Variants in DMD observed in about 807,000 individuals in gnomAD.
DMD encodes mutant dystrophin.
Under a neutral mutation model 330.1 loss-of-function variants are expected in DMD, and 63 were observed. The ratio of observed to expected loss-of-function variants is 0.19; its 90% CI spans 0.16 to 0.24. The LOEUF (loss-of-function observed/expected upper bound fraction) is 0.24, where lower values mean the gene tolerates loss of function less well. DMD is among the 10% of genes least tolerant of loss of function. The pLI, the probability that DMD is intolerant of heterozygous loss-of-function variation, is 1.00. For missense variants in DMD, 3,344 were observed against 2,684.1 expected (o/e 1.25, Z -5.43); for synonymous variants, 1,223 against 959.8 (o/e 1.27, Z -5.07).
chrX:32,242,256 T>G (rs331359), intron 43 of DMD, among the ~76,000 whole-genome samples: 57,911 of 109,751 alleles, frequency 0.53, 11,937 homozygotes, highest in Middle Eastern at 0.68. Context: ...GTAACAAAAA[T>G]AGAAGTTCAA....
intron 60 of DMD, among the ~76,000 whole-genome samples, chrX:31,441,662 T>C (rs1268899658): frequency 1.8e-5 from 2 of 112,377 alleles, no homozygotes; most frequent in Non-Finnish European, 3.8e-5. Context: ...AAATATGATG[T>C]CATAATGGTG....
chrX:31,914,289 T>C (rs923904857), intron 47 of DMD, among the ~76,000 whole-genome samples: 7 of 111,713 alleles, frequency 6.3e-5, no homozygotes, highest in Non-Finnish European at 1.1e-4. Context: ...GGTAGGAATA[T>C]AAATTAGTAC....
At chrX:32,003,528 T>A (rs2095640998) in intron 44 of DMD, among the ~76,000 whole-genome samples, 1 of 111,318 alleles carries the variant, frequency 9.0e-6, no homozygotes, top group Non-Finnish European at 1.9e-5. Flanking sequence ...TGGTAAATAA[T>A]TGCTGAATAA....
At chrX:31,342,586 T>C (rs1414965932) in intron 61 of DMD, among the ~76,000 whole-genome samples, 1 of 111,991 alleles carries the variant, frequency 8.9e-6, no homozygotes, top group African/African-American at 3.2e-5. Context: ...ATTAATGTTT[T>C]AAAGAACCTG....
At chrX:31,951,323 T>A (rs2095176369) in intron 45 of DMD, among the ~76,000 whole-genome samples, 1 of 106,467 alleles carries the variant, frequency 9.4e-6, no homozygotes, top group Admixed American at 1.0e-4. Context: ...TTTCCACTTG[T>A]GGTATTATAT....
intron 22 of DMD, among the ~76,000 whole-genome samples, chrX:32,469,282 C>A (rs1048560594): frequency 9.1e-6 from 1 of 110,039 alleles, no homozygotes. Flanking sequence ...TAATTTCTTA[C>A]AGTAGGATCA....
chrX:32,237,748 C>G (rs2097193243), intron 43 of DMD, among the ~76,000 whole-genome samples: 1 of 111,668 alleles, frequency 9.0e-6, no homozygotes, highest in African/African-American at 3.3e-5. Flanking sequence ...ATGGTGAACG[C>G]TAAAGCTTCT....
chrX:33,126,038 CAAG>C (rs2095462489), intron 1 of DMD, among the ~76,000 whole-genome samples: 1 of 93,839 alleles, frequency 1.1e-5, no homozygotes. Flanking sequence ...GACTCCGTCT[CAAG>C]AAAAAAAAAA....
At chrX:31,558,349 G>C (rs759772951) in intron 55 of DMD, among the ~76,000 whole-genome samples, 39 of 111,343 alleles carry the variant, frequency 3.5e-4, no homozygotes, top group African/African-American at 1.2e-3. Flanking sequence ...GTGTGTATAT[G>C]TGTGATACTG....
chrX:32,066,053 T>C (rs2096257966), intron 44 of DMD, among the ~76,000 whole-genome samples: 1 of 111,793 alleles, frequency 8.9e-6, no homozygotes, highest in South Asian at 3.7e-4. Context: ...TGTAATATTT[T>C]TCTTGCCATG....
chrX:32,171,383 T>C (rs1174933156), intron 44 of DMD, among the ~76,000 whole-genome samples: 1 of 111,728 alleles, frequency 9.0e-6, no homozygotes, highest in African/African-American at 3.2e-5. Context: ...GGGAAGTTTT[T>C]CCTTAGCACT....
At chrX:32,621,620 C>A (rs1306131879) in intron 11 of DMD, among the ~76,000 whole-genome samples, 1 of 110,399 alleles carries the variant, frequency 9.1e-6, no homozygotes, top group Non-Finnish European at 1.9e-5. Flanking sequence ...TCCCCGAACC[C>A]AGCCAGGTGT....
intron 43 of DMD, among the ~76,000 whole-genome samples, chrX:32,244,362 G>A (rs1220075789): frequency 7.5e-4 from 68 of 90,427 alleles, no homozygotes; most frequent in African/African-American, 2.6e-3. Flanking sequence ...GTCTATCATT[G>A]TTGGACATTT....
chrX:31,987,003 T>C (rs1252810365), intron 44 of DMD, among the ~76,000 whole-genome samples: 1 of 112,149 alleles, frequency 8.9e-6, no homozygotes, highest in Non-Finnish European at 1.9e-5. Context: ...TATATTTATC[T>C]ATTTATCATT....
intron 51 of DMD, among the ~76,000 whole-genome samples, chrX:31,739,917 A>G (rs2087188147): frequency 9.2e-6 from 1 of 109,087 alleles, no homozygotes; most frequent in African/African-American, 3.3e-5. Flanking sequence ...TTAATCTACT[A>G]TTAGTGTGTT....
chrX:32,715,430 T>C (rs1476419503), intron 7 of DMD, among the ~76,000 whole-genome samples: 1 of 90,672 alleles, frequency 1.1e-5, no homozygotes, highest in Non-Finnish European at 2.1e-5. Context: ...TGAGCCGAGA[T>C]TGTGCCACTG....
intron 44 of DMD, among the ~76,000 whole-genome samples, chrX:32,163,631 A>C (rs952782508): frequency 5.4e-5 from 6 of 112,024 alleles, no homozygotes; most frequent in Non-Finnish European, 9.4e-5. Flanking sequence ...ATAGAATGAC[A>C]GACACAGATA....
Position 32,804,028 on chromosome X carries a change from T to A in DMD, c.649+5465A>T, listed in dbSNP as rs1392449234. Among the ~76,000 whole-genome samples, 3 of 111,646 alleles carry A rather than the reference T, an allele frequency of 2.7e-5. No homozygotes were observed. The Admixed American group carries it at 2.8e-4, about 11-fold the overall frequency. ...TATCCTTTTTAATTTTCTGTCTCGT[T>A]GATCTGTCTAATATTGACAGTGGGG... is the stretch of plus-strand genomic sequence containing the variant. On this transcript the variant is annotated intron_variant, in intron 7 of 78. Transcript: ENST00000357033.
At chrX:31,743,070 A>G (rs948468562) in intron 51 of DMD, among the ~76,000 whole-genome samples, 2 of 112,289 alleles carry the variant, frequency 1.8e-5, no homozygotes, top group Admixed American at 1.9e-4. Context: ...AAGAAGACAT[A>G]CAAGTGGCCA....
Sources: gnomAD v4.1 joint callset for allele counts (sites outside exome capture counted in the v4.1 genomes callset) on GRCh38, gnomAD v4.1.1 for gene constraint, MANE v1.5 for transcripts, NCBI Gene and HGNC (gene_info 2026-07-23, HGNC 2026-07-21) for gene names.